Variants in LMNTD1 observed in about 807,000 individuals in gnomAD.
LMNTD1 encodes the protein lamin tail domain-containing protein 1.
A neutral mutation model predicts 50.9 loss-of-function variants in LMNTD1; 35 were observed. The ratio of observed to expected loss-of-function variants is 0.69; its 90% confidence interval spans 0.53 to 0.91. The LOEUF (loss-of-function observed/expected upper bound fraction) is 0.91. Ranked by LOEUF, LMNTD1 falls within the 40% of genes least tolerant of loss-of-function variation. LMNTD1 has a pLI of 0.00. For synonymous variants in LMNTD1, 153 were observed against 161.9 expected, an observed-to-expected ratio of 0.94 and a Z score of 0.42; for missense variants, 470 against 475.5, an observed-to-expected ratio of 0.99 and a Z score of 0.11.
intron 1 of LMNTD1, among the ~76,000 whole-genome samples, chr12:25,644,979 T>A (rs1221266775): frequency 6.6e-6 from 1 of 152,028 alleles, no homozygotes. Flanking sequence ...GAGGGAGAAG[T>A]GTGAGAGGTT....
chr12:25,604,197 C>CT (rs1946044328), intron 1 of LMNTD1, among the ~76,000 whole-genome samples: 1 of 151,994 alleles, frequency 6.6e-6, no homozygotes, highest in African/African-American at 2.4e-5. Context: ...ACTTAAAATC[C>CT]TTTTTCTTAC....
intron 1 of LMNTD1, among the ~76,000 whole-genome samples, chr12:25,591,982 AGTT>A (rs1201993199): frequency 6.6e-6 from 1 of 152,042 alleles, no homozygotes; most frequent in Non-Finnish European, 1.5e-5. Context: ...AGAACCACAG[AGTT>A]ATTGGGTTTG....
chr12:25,606,124 G>T (rs1016063635), intron 1 of LMNTD1, among the ~76,000 whole-genome samples: 1 of 151,980 alleles, frequency 6.6e-6, no homozygotes, highest in Non-Finnish European at 1.5e-5. Context: ...TCATGATTTG[G>T]CTCTCTGTTT....
chr12:25,554,035 GAA>G (rs1943924122), upstream of LMNTD1, among the ~76,000 whole-genome samples: 1 of 152,104 alleles, frequency 6.6e-6, no homozygotes, highest in African/African-American at 2.4e-5. Context: ...AAGCCAAAAA[GAA>G]AAAGTCAAGA....
upstream of LMNTD1, among the ~76,000 whole-genome samples, chr12:25,555,875 T>C (rs1325868802): frequency 1.3e-5 from 2 of 151,640 alleles, no homozygotes; most frequent in Non-Finnish European, 2.9e-5. Flanking sequence ...CAAATGTTAA[T>C]GGTGTCATCA....
At chr12:25,628,107 CAAAAAAAAAAAAAAAA>C (rs58780549) in intron 1 of LMNTD1, among the ~76,000 whole-genome samples, 3 of 52,450 alleles carry the variant, frequency 5.7e-5, no homozygotes, top group African/African-American at 1.7e-4. Context: ...AACTCCGTCT[CAAAAAAAAAAAAAAAA>C]AAAAAAAAAA....
intron 1 of LMNTD1, among the ~76,000 whole-genome samples, chr12:25,588,653 C>CAT (rs10649069): frequency 0.95 from 145,028 of 152,168 alleles, 69,505 homozygotes; most frequent in East Asian, 1. Flanking sequence ...ATTAGCAAAA[C>CAT]GTGGGGTTTC....
rs562700905 is a variant in LMNTD1 at position 25,526,303 on chromosome 12, C to A, written c.679-85G>T. On this transcript the variant is annotated intron_variant, in intron 5 of 9. Transcript: ENST00000458174. ...ATAGGGTTACTCCAACATAATCTTT[C>A]TGAACAGATGAGGTTTTAAAATATA... 3.1e-6 allele frequency: 4 copies of A among 1,296,906 alleles called. No homozygotes were observed. In the East Asian group the frequency reaches 9.7e-5, roughly 31 times the overall value. 80.3% of individuals were successfully genotyped at this position (1,296,906 alleles called of 1,614,324 possible).
chr12:25,602,468 T>C (rs888105726), intron 1 of LMNTD1, among the ~76,000 whole-genome samples: 1 of 152,032 alleles, frequency 6.6e-6, no homozygotes, highest in Admixed American at 6.6e-5. Flanking sequence ...TGATTTTTTG[T>C]TAATTCCCCA....
At chr12:25,599,944 AC>A (rs1221518906) in intron 1 of LMNTD1, among the ~76,000 whole-genome samples, 1 of 152,026 alleles carries the variant, frequency 6.6e-6, no homozygotes, top group Non-Finnish European at 1.5e-5. Flanking sequence ...AATAGAAAAA[AC>A]AATCCTAAAA....
intron 7 of LMNTD1, among the ~76,000 whole-genome samples, chr12:25,519,587 C>CAAAAAAAAAAAAAAAAAAAAAAA (rs58304861): frequency 2.1e-5 from 2 of 94,716 alleles, no homozygotes; most frequent in African/African-American, 5.0e-5. Flanking sequence ...GACTCTGTCT[C>CAAAAAAAAAAAAAAAAAAAAAAA]AAAAAAAAAA....
intron 1 of LMNTD1, among the ~76,000 whole-genome samples, chr12:25,561,121 GT>G (rs1224696523): frequency 4.6e-5 from 7 of 152,156 alleles, no homozygotes; most frequent in Admixed American, 2.6e-4. Context: ...TTTTTGAAGG[GT>G]TTTTTGTGTC....
At chr12:25,513,526 C>T (rs1591861101) in intron 8 of LMNTD1, among the ~76,000 whole-genome samples, 2 of 152,146 alleles carry the variant, frequency 1.3e-5, no homozygotes, top group East Asian at 3.9e-4. Context: ...ATTTCAGCTA[C>T]TCGGGAGGCT....
chr12:25,569,927 T>C (rs913541616), intron 1 of LMNTD1, among the ~76,000 whole-genome samples: 1 of 152,230 alleles, frequency 6.6e-6, no homozygotes, highest in African/African-American at 2.4e-5. Flanking sequence ...TATTTATTTA[T>C]AGCAATGCAA....
intron 4 of LMNTD1, among the ~76,000 whole-genome samples, chr12:25,544,718 G>A (rs12231725): frequency 0.052 from 7,847 of 151,142 alleles, 308 homozygotes; most frequent in Middle Eastern, 0.072. Flanking sequence ...ATCTATTATA[G>A]GTTTTTGCAT....
chr12:25,645,014 G>A (rs1006766161), intron 1 of LMNTD1, among the ~76,000 whole-genome samples: 3 of 152,154 alleles, frequency 2.0e-5, no homozygotes, highest in Non-Finnish European at 4.4e-5. Flanking sequence ...ATGTGAAATC[G>A]TCATTTCAAA....
At chr12:25,604,500 C>A (rs1463635690) in intron 1 of LMNTD1, among the ~76,000 whole-genome samples, 2 of 151,774 alleles carry the variant, frequency 1.3e-5, no homozygotes, top group East Asian at 3.9e-4. Flanking sequence ...CCTCCCCACT[C>A]CCCCCACCCC....
chr12:25,643,831 A>T, intron 1 of LMNTD1, among the ~76,000 whole-genome samples: 1 of 146,968 alleles, frequency 6.8e-6, no homozygotes, highest in Admixed American at 6.6e-5. Flanking sequence ...TTAGTTGATT[A>T]TGAGTCCAAA....
intron 1 of LMNTD1, among the ~76,000 whole-genome samples, chr12:25,605,633 G>C (rs1176619891): frequency 6.6e-6 from 1 of 152,168 alleles, no homozygotes; most frequent in Non-Finnish European, 1.5e-5. Flanking sequence ...TGTCAGGTTT[G>C]TCAAAGATCA....
Sources: gnomAD v4.1 joint callset for allele counts (sites outside exome capture counted in the v4.1 genomes callset) on GRCh38, gnomAD v4.1.1 for gene constraint, MANE v1.5 for transcripts, NCBI Gene and HGNC (gene_info 2026-07-23, HGNC 2026-07-21) for gene names.